The following NPAT variants were observed in gnomAD, a reference collection of about 807,000 sequenced individuals.
NPAT encodes protein NPAT.
NPAT carries 52 observed loss-of-function variants against 130.7 expected under a neutral mutation model. The ratio of observed to expected loss-of-function variants is 0.40; its 90% CI spans 0.32 to 0.50. NPAT has a LOEUF of 0.50. Among genes scored for constraint, NPAT ranks in the 20% least tolerant of loss-of-function variants. The pLI is 0.68. For synonymous variants in NPAT, 580 were observed against 584.8 expected, an observed-to-expected ratio of 0.99 and a Z score of 0.12; for missense variants, 1,687 against 1,662.6, an observed-to-expected ratio of 1.01 and a Z score of -0.26.
chr11:108,186,928 C>A (rs1030824257), intron 7 of NPAT, among the ~76,000 whole-genome samples: 1 of 152,092 alleles, frequency 6.6e-6, no homozygotes, highest in Non-Finnish European at 1.5e-5. Context: ...GTGTTAGGAA[C>A]AAAGGGAAGT....
At chr11:108,160,119 T>C (rs1354063665) in intron 17 of NPAT, among the ~76,000 whole-genome samples, 2 of 146,142 alleles carry the variant, frequency 1.4e-5, no homozygotes, top group South Asian at 2.1e-4. Context: ...CACCGTACTC[T>C]AGTGGGTAAC....
At chr11:108,166,915 C>T (rs2077907436) in intron 15 of NPAT, among the ~76,000 whole-genome samples, 1 of 152,162 alleles carries the variant, frequency 6.6e-6, no homozygotes, top group Non-Finnish European at 1.5e-5. Context: ...TGGTTCTCTT[C>T]TATTTATACA....
At chr11:108,203,481 A>G (rs1438852301) in intron 1 of NPAT, among the ~76,000 whole-genome samples, 2 of 152,212 alleles carry the variant, frequency 1.3e-5, no homozygotes, top group Non-Finnish European at 1.5e-5. Context: ...ATACTCGAGT[A>G]AAGGCCTGGG....
chr11:108,178,746 T>A (rs550542058), intron 10 of NPAT, among the ~76,000 whole-genome samples: 2 of 152,246 alleles, frequency 1.3e-5, no homozygotes, highest in South Asian at 4.2e-4. Flanking sequence ...TAATCCCAGC[T>A]ACTTGGGAGG....
At chr11:108,189,878 AAAAAAAC>A (rs1171413987) in intron 5 of NPAT, among the ~76,000 whole-genome samples, 11 of 151,450 alleles carry the variant, frequency 7.3e-5, no homozygotes, top group South Asian at 2.1e-4. Flanking sequence ...TCAAAAAAAA[AAAAAAAC>A]AAAAAACAAG....
rs1030041700 is a variant in NPAT at position 108,173,404 on chromosome 11, G to T, written c.1580C>A (p.Ser527Tyr). The T allele has an allele frequency of 6.2e-7, 1 of 1,614,052 alleles. No homozygotes were observed. The highest frequency in any genetic ancestry group is 1.3e-5 in the African/African-American group (1 of 75,054). ...CEANNENLIL[S>Y]GKSSQLLSQD... Reference sequence around the variant, plus strand: ...GGATAAAAGTTGAGAACTCTTCCCAGAGAGAATTAAGTTTTCATTGTTAGC... The same window carrying T: ...GGATAAAAGTTGAGAACTCTTCCCATAGAGAATTAAGTTTTCATTGTTAGC... The change falls in exon 13 of 18, where the codon TCT (serine) becomes TAT (tyrosine). Residue 527 changes from serine to tyrosine, a missense_variant. Coordinates refer to ENST00000278612, the MANE Select transcript of NPAT (RefSeq NM_002519.3).
At chr11:108,192,347 T>C (rs1250182347) in intron 3 of NPAT, among the ~76,000 whole-genome samples, 157 bp from the exon 4 acceptor site, 1 of 152,250 alleles carries the variant, frequency 6.6e-6, no homozygotes, top group African/African-American at 2.4e-5. Flanking sequence ...TGCAAAGCTA[T>C]AATGCGGTTG....
chr11:108,220,741 T>C (rs951732297), intron 1 of NPAT, among the ~76,000 whole-genome samples: 1 of 152,234 alleles, frequency 6.6e-6, no homozygotes, highest in African/African-American at 2.4e-5. Context: ...TTGTATTGTA[T>C]ACTCCTGCCC....
intron 10 of NPAT, among the ~76,000 whole-genome samples, chr11:108,180,213 G>A (rs1417789095): frequency 6.6e-6 from 1 of 152,130 alleles, no homozygotes; most frequent in Non-Finnish European, 1.5e-5. Context: ...TGTAGTCCCT[G>A]CTACTTGGGA....
At chr11:108,171,424 T>C (rs575520018) in intron 13 of NPAT, 1 of 148,204 alleles carries the variant, frequency 6.7e-6, no homozygotes, top group South Asian at 2.2e-4. Context: ...AGCCCAGCCA[T>C]AAACAAAGGA....
intron 7 of NPAT, among the ~76,000 whole-genome samples, chr11:108,187,826 ACATCATT>A (rs2078122699): frequency 3.3e-5 from 5 of 152,206 alleles, no homozygotes; most frequent in African/African-American, 1.2e-4. Flanking sequence ...ATCTCAGATA[ACATCATT>A]TGTAAGATAT....
At chr11:108,190,127 T>C (rs2078152529) in intron 5 of NPAT, among the ~76,000 whole-genome samples, 1 of 151,160 alleles carries the variant, frequency 6.6e-6, no homozygotes, top group African/African-American at 2.4e-5. Flanking sequence ...CTGGCTAACA[T>C]GGCAAAACCC....
intron 4 of NPAT, among the ~76,000 whole-genome samples, chr11:108,191,814 G>C (rs1389740003): frequency 6.6e-6 from 1 of 152,144 alleles, no homozygotes; most frequent in Non-Finnish European, 1.5e-5. Context: ...TTGCCTAAGG[G>C]AATTCACAGT....
chr11:108,162,092 T>A, intron 16 of NPAT, 28 bp downstream of exon 16: 2 of 1,612,256 alleles, frequency 1.2e-6, no homozygotes, highest in Non-Finnish European at 1.7e-6. Context: ...ATTCAAACAA[T>A]CTATGATAGA....
In NPAT at chr11:108,176,363, T is replaced by C; in HGVS notation, c.1015A>G (p.Asn339Asp). The C allele has an allele frequency of 6.5e-7, 1 of 1,549,628 alleles. No homozygotes were observed. Among genetic ancestry groups the C allele is most frequent in the Non-Finnish European group, 8.9e-7 (1 of 1,122,218 alleles). The change falls in exon 12 of 18, where the codon AAT becomes GAT. Residue 339 changes from asparagine to aspartate, a missense_variant. Coordinates refer to ENST00000278612, the MANE Select transcript of NPAT (RefSeq NM_002519.3). ...ATACTTTGTGATATATTTTTATTAT[T>C]CTTTGTTTTGCCTGTTAAAAAGGGA... ...FDLFDYGKTK[N>D]NKNISQSISS...
At chr11:108,214,077 A>G (rs2078409578) in intron 1 of NPAT, among the ~76,000 whole-genome samples, 1 of 152,150 alleles carries the variant, frequency 6.6e-6, no homozygotes, top group South Asian at 2.1e-4. Context: ...ACTTATTGGT[A>G]CAGATGGGGT....
chr11:108,159,118 C>A, intron 17 of NPAT, 99 bp from the exon 18 acceptor site: 1 of 719,922 alleles, frequency 1.4e-6, no homozygotes, highest in Non-Finnish European at 2.4e-6. Context: ...TCACATACTA[C>A]TAAAATTGTC....
intron 1 of NPAT, among the ~76,000 whole-genome samples, chr11:108,216,221 C>T (rs1239560667): frequency 6.6e-6 from 1 of 152,116 alleles, no homozygotes; most frequent in Non-Finnish European, 1.5e-5. Context: ...ACTTATCACC[C>T]TAGATGCCTT....
At chr11:108,200,058 AT>A (rs1199678144) in intron 1 of NPAT, among the ~76,000 whole-genome samples, 1 of 152,228 alleles carries the variant, frequency 6.6e-6, no homozygotes, top group African/African-American at 2.4e-5. Context: ...GAAGGATGCA[AT>A]GACTGAGAGT....
Sources: allele counts gnomAD v4.1 joint callset (sites outside exome capture counted in the v4.1 genomes callset), GRCh38; gene constraint gnomAD v4.1.1; transcripts MANE v1.5; gene names NCBI Gene and HGNC (gene_info 2026-07-23, HGNC 2026-07-21).